The following KREMEN1 variants were observed in gnomAD, a reference collection of about 807,000 sequenced individuals.
The protein encoded by KREMEN1 is kringle containing transmembrane protein 1.
KREMEN1 carries 30 observed loss-of-function variants against 46.5 expected under a neutral mutation model. The ratio of observed to expected loss-of-function variants is 0.65; its 90% CI spans 0.48 to 0.88. KREMEN1 has a LOEUF of 0.88. Among genes scored for constraint, KREMEN1 ranks in the 40% least tolerant of loss-of-function variants. The pLI, the probability that KREMEN1 is intolerant of heterozygous loss-of-function variation, is 0.00. For synonymous variants in KREMEN1, 214 were observed against 230.6 expected (o/e 0.93, Z 0.65); for missense variants, 533 against 596.9 (o/e 0.89, Z 1.11).
rs2039061866 is a variant in KREMEN1, at chr22:29,167,359, T to C, written c.*253T>C. On this transcript the variant is annotated 3_prime_UTR_variant, in exon 10 of 10. Transcript: ENST00000327813. Reference sequence around the variant, plus strand: ...GAGCAGCAGAGCGGGACCTCGTCTCTAAGAATAGAAAGAAAGAAAGAGAAA... The same window carrying C: ...GAGCAGCAGAGCGGGACCTCGTCTCCAAGAATAGAAAGAAAGAAAGAGAAA... The C allele has an allele frequency of 5.9e-6, 3 of 509,886 alleles. No homozygotes were observed. In the Admixed American group the frequency reaches 9.7e-5, roughly 17 times the overall value. The allele number at this position is 509,886 out of a possible 1,614,324, so 31.6% of individuals were successfully genotyped here.
In KREMEN1 at chr22:29,146,060, C is replaced by T. The variant is rs1601817288; in HGVS notation, c.*3948C>T. 1 of 986,010 alleles carries T rather than the reference C, an allele frequency of 1.0e-6. No homozygotes were observed. The allele number at this position is 986,010 out of a possible 1,614,324, so 61.1% of individuals were successfully genotyped here. On this transcript the variant is annotated 3_prime_UTR_variant, in exon 9 of 9. Transcript: ENST00000400335. ...GCGGATGGCCTCCGAGACCCTGCCT[C>T]CCTGGTCTGCTGAGGTCAGGCCAGG...
chr22:29,100,990 G>A (rs1216447903), intron 3 of KREMEN1, among the ~76,000 whole-genome samples: 1 of 152,186 alleles, frequency 6.6e-6, no homozygotes, highest in Non-Finnish European at 1.5e-5. Context: ...GTTGGCTCAC[G>A]CCTGTAATCC....
chr22:29,101,621 A>G (rs2037977263), intron 3 of KREMEN1, among the ~76,000 whole-genome samples: 1 of 152,234 alleles, frequency 6.6e-6, no homozygotes, highest in African/African-American at 2.4e-5. Context: ...TTTATCTTGT[A>G]TACAGTATTT....
intron 1 of KREMEN1, among the ~76,000 whole-genome samples, chr22:29,087,557 T>G (rs1029810217): frequency 1.3e-5 from 2 of 148,328 alleles, no homozygotes; most frequent in African/African-American, 5.0e-5. Context: ...TACCACTATC[T>G]TATACATGTC....
Position 29,143,669 on chromosome 22 carries a change from G to A in KREMEN1, c.*1557G>A. 2.4e-6 allele frequency: 2 copies of A among 824,626 alleles called. No homozygotes were observed. The highest frequency in any genetic ancestry group is 2.9e-6 in the Non-Finnish European group (2 of 683,692). The allele number at this position is 824,626 out of a possible 1,614,324, so 51.1% of individuals were successfully genotyped here. A position where few individuals can be genotyped will look rare whatever the true frequency, so the allele number is the denominator to read the frequency against. ...AGGCAGGAGAATGGCGTGAACCCGG[G>A]AGGCGGAGCTTGCAGTGAGCAGAGA... On this transcript the variant is annotated 3_prime_UTR_variant, in exon 9 of 9. Transcript: ENST00000400335.
chr22:29,119,280 T>C (rs1260596215), intron 3 of KREMEN1, among the ~76,000 whole-genome samples: 1 of 152,228 alleles, frequency 6.6e-6, no homozygotes, highest in Non-Finnish European at 1.5e-5. Flanking sequence ...ACACAGGAGC[T>C]TCTGTTCTTG....
intron 5 of KREMEN1, 32 bp from the exon 6 acceptor site, chr22:29,137,310 C>CT: frequency 7.0e-7 from 1 of 1,424,320 alleles, no homozygotes; most frequent in Non-Finnish European, 9.3e-7. Flanking sequence ...AAGGCCCAGA[C>CT]TGAGGGCGTG....
intron 9 of KREMEN1, among the ~76,000 whole-genome samples, chr22:29,159,988 A>T (rs936881071): frequency 4.6e-5 from 7 of 152,212 alleles, no homozygotes; most frequent in Non-Finnish European, 2.9e-5. Flanking sequence ...CATTAGACAG[A>T]TCATCAAGGC....
At chr22:29,114,393 G>T (rs201304609) in intron 3 of KREMEN1, among the ~76,000 whole-genome samples, 2 of 150,242 alleles carry the variant, frequency 1.3e-5, no homozygotes, top group East Asian at 3.9e-4. Context: ...GGCTGAGGCA[G>T]GAGAATCACT....
chr22:29,120,495 T>G (rs2038333266), intron 3 of KREMEN1, among the ~76,000 whole-genome samples: 9 of 88,828 alleles, frequency 1.0e-4, no homozygotes, highest in African/African-American at 1.9e-4. Context: ...GAAGGAGAGG[T>G]GATAAAGGAA....
At chr22:29,081,916 T>A (rs143785592) in intron 1 of KREMEN1, among the ~76,000 whole-genome samples, 80 of 152,330 alleles carry the variant, frequency 5.3e-4, no homozygotes, top group African/African-American at 1.7e-3. Flanking sequence ...TCAGGAGCTC[T>A]TATATTATTT....
At chr22:29,105,478 T>TAAACACACACACACACACACACAC (rs2038044591) in intron 3 of KREMEN1, among the ~76,000 whole-genome samples, 1 of 146,892 alleles carries the variant, frequency 6.8e-6, no homozygotes, top group Non-Finnish European at 1.5e-5. Context: ...CACACACACA[T>TAAACACACACACACACACACACAC]ACACACACAC....
intron 9 of KREMEN1, among the ~76,000 whole-genome samples, chr22:29,156,317 ATC>A (rs1428454603): frequency 6.6e-6 from 1 of 152,236 alleles, no homozygotes; most frequent in Non-Finnish European, 1.5e-5. Flanking sequence ...CAAAATAAAC[ATC>A]TCCAGGCCCC....
Position 29,116,526 on chromosome 22 carries a change from G to T in KREMEN1, c.353-4831G>T, listed in dbSNP as rs572466785. Among the ~76,000 whole-genome samples, 7 of 152,278 alleles carry T rather than the reference G, an allele frequency of 4.6e-5. No individual in the cohort carries two copies. The East Asian group carries it at 1.2e-3, about 25-fold the overall frequency. ...GTCCTATTGAAACATGAACCACCTGGATTTGCTCAACAAATTAATAAAGCT... is the reference window on the plus strand; with the variant it reads ...GTCCTATTGAAACATGAACCACCTGTATTTGCTCAACAAATTAATAAAGCT... On this transcript the variant is annotated intron_variant, in intron 3 of 8. Coordinates refer to ENST00000400335, the MANE Select transcript of KREMEN1 (RefSeq NM_001039570.3).
chr22:29,098,738 A>G (rs146503775), intron 2 of KREMEN1, 124 bp from the exon 3 acceptor site: 6 of 718,708 alleles, frequency 8.3e-6, no homozygotes, highest in African/African-American at 7.0e-5. Context: ...TGGCACTGAG[A>G]TACAGACCAA....
chr22:29,166,908 G>A (rs2039057536), intron 9 of KREMEN1: 2 of 683,650 alleles, frequency 2.9e-6, no homozygotes, highest in Non-Finnish European at 5.3e-6. Context: ...ACTCCAGGCT[G>A]GGTGACAGAG....
Position 29,142,257 on chromosome 22 carries a change from T to G in KREMEN1, c.*145T>G. ...TCGGGGAAACCCTCCTCCTACAGAC[T>G]AGGAAGAGGCACCCTGCTGCCAGGG... On this transcript the variant is annotated 3_prime_UTR_variant, in exon 9 of 9. Coordinates refer to ENST00000400335, the MANE Select transcript of KREMEN1 (RefSeq NM_001039570.3). 7.4e-7 allele frequency: 1 copy of G among 1,349,974 alleles called. No homozygotes were observed. The allele number at this position is 1,349,974 out of a possible 1,614,324, so 83.6% of individuals were successfully genotyped here.
intron 3 of KREMEN1, among the ~76,000 whole-genome samples, chr22:29,110,561 T>A (rs896505988): frequency 6.6e-6 from 1 of 152,182 alleles, no homozygotes; most frequent in Non-Finnish European, 1.5e-5. Flanking sequence ...GATCCTGGCC[T>A]TATGGGATCA....
At position 29,094,609 on chromosome 22, in the gene KREMEN1, AC is replaced by A. The variant is rs1365692179; in HGVS notation, c.260+190del. Among the ~76,000 whole-genome samples, 22 of 116,884 alleles carry A rather than the reference AC, an allele frequency of 1.9e-4. 1 individual carries two copies. Among genetic ancestry groups the A allele is most frequent in the African/African-American group, 8.1e-4 (22 of 27,324 alleles). The allele number at this position is 116,884 out of a possible 152,430, so 76.7% of individuals were successfully genotyped here. ...CACACACACACACACACACACACAC[AC>A]ACACAATTTACCACTCTTTTTTTTT... On this transcript the variant is annotated intron_variant, in intron 2 of 8. Coordinates refer to ENST00000400335, the MANE Select transcript of KREMEN1 (RefSeq NM_001039570.3).
Sources: allele counts gnomAD v4.1 joint callset (sites outside exome capture counted in the v4.1 genomes callset), GRCh38; gene constraint gnomAD v4.1.1; transcripts MANE v1.5; gene names NCBI Gene and HGNC (gene_info 2026-07-23, HGNC 2026-07-21).